The following SACM1L variants were observed in gnomAD, a reference collection of about 807,000 sequenced individuals.
SACM1L encodes phosphatidylinositol-3-phosphatase SAC1.
A neutral mutation model predicts 89.5 loss-of-function variants in SACM1L; 32 were observed. The ratio of observed to expected loss-of-function variants is 0.36; its 90% CI spans 0.27 to 0.48. The LOEUF (loss-of-function observed/expected upper bound fraction) is 0.48, where lower values mean the gene tolerates loss of function less well. Among genes scored for constraint, SACM1L ranks in the 20% least tolerant of loss-of-function variants. The pLI, the probability that SACM1L is intolerant of heterozygous loss-of-function variation, is 0.99. For synonymous variants in SACM1L, 213 were observed against 232.8 expected (o/e 0.92, Z 0.77); for missense variants, 543 against 708.5 (o/e 0.77, Z 2.65).
At chr3:45,731,222 T>C in intron 11 of SACM1L, 79 bp from the exon 12 acceptor site, 1 of 873,880 alleles carries the variant, frequency 1.1e-6, no homozygotes, top group Non-Finnish European at 1.8e-6. Flanking sequence ...AGCTTAGAGC[T>C]TCCTAGTTTG....
chr3:45,735,080 G>C, intron 13 of SACM1L, 155 bp from the exon 14 acceptor site: 1 of 674,152 alleles, frequency 1.5e-6, no homozygotes, highest in Non-Finnish European at 2.3e-6. Context: ...TTTTGGTCTA[G>C]GATAATCACA....
intron 1 of SACM1L, among the ~76,000 whole-genome samples, chr3:45,698,813 C>T (rs1698191607): frequency 6.6e-6 from 1 of 152,078 alleles, no homozygotes; most frequent in Non-Finnish European, 1.5e-5. Context: ...TGTCACCAGC[C>T]TAGAGTGCAG....
At chr3:45,694,222 G>A (rs1251193852) in intron 1 of SACM1L, among the ~76,000 whole-genome samples, 1 of 151,980 alleles carries the variant, frequency 6.6e-6, no homozygotes, top group Admixed American at 6.5e-5. Context: ...TAGGTGTAAG[G>A]CAGGGAATCC....
intron 11 of SACM1L, among the ~76,000 whole-genome samples, chr3:45,727,919 G>A (rs1030212653): frequency 6.6e-6 from 1 of 152,124 alleles, no homozygotes; most frequent in East Asian, 1.9e-4. Context: ...ATAATTTTCT[G>A]TTTCTCCCTT....
rs187887178 is a variant in SACM1L at position 45,736,415 on chromosome 3, A to G, written c.1239+1042A>G. Among the ~76,000 whole-genome samples the G allele has an allele frequency of 2.0e-5, 3 of 152,336 alleles. No homozygotes were observed. The East Asian group carries it at 5.8e-4, about 29-fold the overall frequency. On this transcript the variant is annotated intron_variant, in intron 14 of 19. Transcript: ENST00000389061. ...TTGTTGTGAGGGGCAGACAAAATGC[A>G]TACCACATGGTTTCCTGTTCAGGTA...
intron 4 of SACM1L, among the ~76,000 whole-genome samples, chr3:45,707,991 A>G (rs1195586498): frequency 6.6e-6 from 1 of 152,178 alleles, no homozygotes; most frequent in South Asian, 2.1e-4. Flanking sequence ...ATTTATGCTT[A>G]TAATTTACTA....
Position 45,724,298 on chromosome 3 carries a change from GGT to G in SACM1L, c.921+790_921+791del, listed in dbSNP as rs61075879. ...TCCTTGCTGACAATTGTTGTTTTCTGGTGTGTGTGTGTGTGTGTGTGTGTGTG... is the reference window on the plus strand; with the variant it reads ...TCCTTGCTGACAATTGTTGTTTTCTGGTGTGTGTGTGTGTGTGTGTGTGTG... On this transcript the variant is annotated intron_variant, in intron 11 of 19. Transcript: ENST00000389061. 9.1e-3 allele frequency among the ~76,000 whole-genome samples: 1,275 copies of G among 139,786 alleles called. 13 individuals are homozygous for G. The highest frequency in any genetic ancestry group is 0.029 in the African/African-American group (1,087 of 37,204). The allele number at this position is 139,786 out of a possible 152,430, so 91.7% of individuals were successfully genotyped here.
At chr3:45,722,670 A>G (rs1218923400) in intron 9 of SACM1L, among the ~76,000 whole-genome samples, 199 bp from the exon 10 acceptor site, 11 of 152,236 alleles carry the variant, frequency 7.2e-5, no homozygotes, top group African/African-American at 2.4e-4. Flanking sequence ...ATATAAAACT[A>G]GAAGGAGAAA....
chr3:45,737,304 ACT>A (rs1699223406), intron 14 of SACM1L: 3 of 400,632 alleles, frequency 7.5e-6, no homozygotes, highest in Non-Finnish European at 1.3e-5. Flanking sequence ...AGCAGCTTTC[ACT>A]CTCTCTTCTG....
chr3:45,716,101 G>C (rs1698652007), intron 7 of SACM1L, among the ~76,000 whole-genome samples: 2 of 152,088 alleles, frequency 1.3e-5, no homozygotes, highest in Non-Finnish European at 1.5e-5. Context: ...CAGAGAGGCG[G>C]GAGCTGTGTT....
chr3:45,724,144 A>C (rs1178364668), intron 11 of SACM1L, among the ~76,000 whole-genome samples: 1 of 152,112 alleles, frequency 6.6e-6, no homozygotes, highest in Non-Finnish European at 1.5e-5. Context: ...TTATACTTAG[A>C]AGTAGAATTG....
chr3:45,731,641 T>TAATA (rs1046681206), intron 12 of SACM1L, among the ~76,000 whole-genome samples: 4 of 152,312 alleles, frequency 2.6e-5, no homozygotes, highest in African/African-American at 9.6e-5. Context: ...TTTCCATAGA[T>TAATA]AATACTTTGC....
intron 11 of SACM1L, among the ~76,000 whole-genome samples, chr3:45,725,225 T>A (rs1280918683): frequency 6.6e-6 from 1 of 152,208 alleles, no homozygotes; most frequent in Non-Finnish European, 1.5e-5. Flanking sequence ...CTGCAAACAA[T>A]GTCATTGGGA....
intron 8 of SACM1L, 64 bp downstream of exon 8, chr3:45,719,665 G>T: frequency 1.2e-6 from 1 of 862,572 alleles, no homozygotes; most frequent in South Asian, 1.7e-5. Context: ...TGACACGAAT[G>T]TAACCTTTTG....
At chr3:45,736,472 T>C (rs1201139412) in intron 14 of SACM1L, among the ~76,000 whole-genome samples, 5 of 152,176 alleles carry the variant, frequency 3.3e-5, no homozygotes, top group Non-Finnish European at 4.4e-5. Flanking sequence ...TTTCTGACAA[T>C]TGTATGATAC....
At chr3:45,741,043 A>G (rs1204415163) in intron 19 of SACM1L, among the ~76,000 whole-genome samples, 1 of 152,198 alleles carries the variant, frequency 6.6e-6, no homozygotes, top group Non-Finnish European at 1.5e-5. Context: ...TTCTCCTTTG[A>G]GTAATGTCCT....
intron 7 of SACM1L, among the ~76,000 whole-genome samples, chr3:45,717,545 G>A (rs1004728653): frequency 3.9e-5 from 6 of 152,224 alleles, no homozygotes; most frequent in East Asian, 3.9e-4. Flanking sequence ...TTTTGAAGTT[G>A]GATGGTAGGT....
intron 5 of SACM1L, among the ~76,000 whole-genome samples, chr3:45,709,956 G>A (rs1698483536): frequency 6.6e-6 from 1 of 152,074 alleles, no homozygotes; most frequent in Non-Finnish European, 1.5e-5. Flanking sequence ...GTATTACCAG[G>A]CTACCAAGTG....
chr3:45,691,711 C>T (rs1296530028), intron 1 of SACM1L, among the ~76,000 whole-genome samples: 1 of 151,976 alleles, frequency 6.6e-6, no homozygotes, highest in Non-Finnish European at 1.5e-5. Flanking sequence ...AACTCCTAGT[C>T]TCAAGCGAGC....
Sources: gnomAD v4.1 joint callset for allele counts (sites outside exome capture counted in the v4.1 genomes callset) on GRCh38, gnomAD v4.1.1 for gene constraint, MANE v1.5 for transcripts, NCBI Gene and HGNC (gene_info 2026-07-23, HGNC 2026-07-21) for gene names.